Variants in ERICH5 observed in about 807,000 individuals in gnomAD.
ERICH5 encodes the protein glutamate-rich protein 5.
In ERICH5, 24 loss-of-function variants were observed where a neutral mutation model predicts 28.0. The ratio of observed to expected loss-of-function variants is 0.86; its 90% CI spans 0.62 to 1.21. The LOEUF is 1.21. Ranked by LOEUF, ERICH5 falls within the 50% of genes most tolerant of loss-of-function variation. The probability of loss-of-function intolerance (pLI) is 0.00; values close to 1 mark genes in which losing one functional copy is unlikely to be tolerated. For synonymous variants in ERICH5, 163 were observed against 157.6 expected, an observed-to-expected ratio of 1.03 and a Z score of -0.25; for missense variants, 421 against 441.2, an observed-to-expected ratio of 0.95 and a Z score of 0.41.
At position 98,091,888 on chromosome 8, in the gene ERICH5, C is replaced by CT. The variant is rs1215335302; in HGVS notation, c.1013-1330dup. ...TCTTTCTTTCTTTCTTTCTTTCTTTCTTTCTTTCTTTCCTTTCTTTCTTTC... is the reference window on the plus strand; with the variant it reads ...TCTTTCTTTCTTTCTTTCTTTCTTTCTTTTCTTTCTTTCCTTTCTTTCTTTC... On this transcript the variant is annotated intron_variant, in intron 2 of 2. Coordinates refer to ENST00000318528, the MANE Select transcript of ERICH5 (RefSeq NM_173549.3). Among the ~76,000 whole-genome samples, 10 of 77,818 alleles carry CT rather than the reference C, an allele frequency of 1.3e-4. 1 individual carries two copies. The highest frequency in any genetic ancestry group is 4.6e-4 in the African/African-American group (8 of 17,230). The allele number at this position is 77,818 out of a possible 152,430, so 51.1% of individuals were successfully genotyped here.
intron 2 of ERICH5, 98 bp from the exon 3 acceptor site, chr8:98,093,123 G>A: frequency 1.3e-6 from 1 of 770,160 alleles, no homozygotes; most frequent in Non-Finnish European, 2.1e-6. Flanking sequence ...GCTTAGACCT[G>A]AAGATCAAGA....
chr8:98,082,647 A>C (rs1475570591), intron 1 of ERICH5, among the ~76,000 whole-genome samples: 1 of 148,036 alleles, frequency 6.8e-6, no homozygotes, highest in Non-Finnish European at 1.5e-5. Context: ...CTCCATCTCA[A>C]AAAAAAAAAA....
At chr8:98,076,736 G>C (rs754029860) in intron 1 of ERICH5, among the ~76,000 whole-genome samples, 2 of 152,124 alleles carry the variant, frequency 1.3e-5, no homozygotes, top group South Asian at 2.1e-4. Context: ...TGACTCCATA[G>C]GTAACCTAAT....
chr8:98,084,856 C>T (rs976808684), intron 1 of ERICH5, among the ~76,000 whole-genome samples: 33 of 152,022 alleles, frequency 2.2e-4, no homozygotes, highest in Non-Finnish European at 3.8e-4. Flanking sequence ...TTTATCTGTA[C>T]ACCATGGGAG....
intron 1 of ERICH5, among the ~76,000 whole-genome samples, chr8:98,070,934 A>G (rs1308784336): frequency 1.3e-5 from 2 of 152,082 alleles, no homozygotes; most frequent in Non-Finnish European, 2.9e-5. Flanking sequence ...GGAAAAGGTT[A>G]GCACTGTAAA....
At chr8:98,080,610 T>C (rs1815162605) in intron 1 of ERICH5, among the ~76,000 whole-genome samples, 1 of 151,598 alleles carries the variant, frequency 6.6e-6, no homozygotes, top group Non-Finnish European at 1.5e-5. Flanking sequence ...TTCTTCTCCT[T>C]CTCCTTCTTC....
chr8:98,089,189 A>G lies in ERICH5; in HGVS notation c.172A>G (p.Ser58Gly). ...TGTTGATGGCAATGTACAAAGGGAAAGCCGTCCTCCCTTACAAAAGCTCAA... is the reference window on the plus strand; with the variant it reads ...TGTTGATGGCAATGTACAAAGGGAAGGCCGTCCTCCCTTACAAAAGCTCAA... ...STVDGNVQRE[S>G]RPPLQKLKVS... is the part of the protein sequence containing the mutation. The change falls in exon 2 of 3, where the codon AGC becomes GGC. Residue 58 changes from serine (S) to glycine (G), a missense_variant. Ser to Gly is a moderately conservative substitution (Grantham distance 56). Coordinates refer to ENST00000318528, the MANE Select transcript of ERICH5 (RefSeq NM_173549.3). 6.2e-7 allele frequency: 1 copy of G among 1,614,210 alleles called. No homozygotes were observed. The highest frequency in any genetic ancestry group is 8.5e-7 in the Non-Finnish European group (1 of 1,180,032).
At chr8:98,065,087 A>G (rs980156317) in intron 1 of ERICH5, among the ~76,000 whole-genome samples, 1 of 152,088 alleles carries the variant, frequency 6.6e-6, no homozygotes, top group African/African-American at 2.4e-5. Flanking sequence ...ATGTCCTATC[A>G]AGGCCTTCTA....
At chr8:98,069,039 A>G (rs11994319) in intron 1 of ERICH5, among the ~76,000 whole-genome samples, 5,041 of 152,306 alleles carry the variant, frequency 0.033, 236 homozygotes, top group African/African-American at 0.11. Flanking sequence ...TAACTAGACA[A>G]AAGTTTTCCT....
rs777500262 is a variant in ERICH5 at position 98,089,996 on chromosome 8, A to G, written c.979A>G (p.Ile327Val). 1.9e-6 allele frequency: 3 copies of G among 1,613,494 alleles called. No homozygotes were observed. Among genetic ancestry groups the G allele is most frequent in the Admixed American group, 3.3e-5 (2 of 59,970 alleles). Residue 327 changes from isoleucine to valine, a missense_variant, in exon 2 of 3, where the codon ATC (isoleucine) becomes GTC (valine). Coordinates refer to ENST00000318528, the MANE Select transcript of ERICH5 (RefSeq NM_173549.3). ...AGCATATGTGGAAATGATCAGGAAC[A>G]TCCATACTAATGAAGAGGACCAACG... is the stretch of plus-strand genomic sequence containing the variant. Reference protein sequence around the residue: ...AGAYVEMIRNIHTNEEDQRIE... With the variant: ...AGAYVEMIRNVHTNEEDQRIE...
rs976384073 is a variant in ERICH5, at chr8:98,065,610, C to T, written c.58+883C>T. 2.0e-5 allele frequency among the ~76,000 whole-genome samples: 3 copies of T among 152,310 alleles called. No homozygotes were observed. The East Asian group carries it at 5.8e-4, about 29-fold the overall frequency. On this transcript the variant is annotated intron_variant, in intron 1 of 2. Coordinates refer to ENST00000318528, the MANE Select transcript of ERICH5 (RefSeq NM_173549.3). ...AGATCGTTTCTGACAGTGATAAGTA[C>T]TGTGAAAAGTATAAACGCAGTTACA... is the stretch of plus-strand genomic sequence containing the variant.
At chr8:98,069,045 T>G (rs1240969651) in intron 1 of ERICH5, among the ~76,000 whole-genome samples, 1 of 152,246 alleles carries the variant, frequency 6.6e-6, no homozygotes, top group Non-Finnish European at 1.5e-5. Context: ...GACAAAAGTT[T>G]TCCTTTTGAA....
intron 1 of ERICH5, among the ~76,000 whole-genome samples, chr8:98,079,326 A>G (rs954988740): frequency 1.3e-5 from 2 of 151,954 alleles, no homozygotes; most frequent in African/African-American, 4.8e-5. Context: ...GCATGCCACC[A>G]TGCCCAGCTA....
chr8:98,079,688 C>T (rs951312503), intron 1 of ERICH5, among the ~76,000 whole-genome samples: 1 of 152,122 alleles, frequency 6.6e-6, no homozygotes, highest in Non-Finnish European at 1.5e-5. Flanking sequence ...TACAAGCATC[C>T]ACCACCAGCC....
chr8:98,067,488 C>T (rs560952614), intron 1 of ERICH5, among the ~76,000 whole-genome samples: 2 of 151,628 alleles, frequency 1.3e-5, no homozygotes, highest in East Asian at 3.9e-4. Flanking sequence ...TATGTTTAAA[C>T]CAGCTTCTGC....
In ERICH5 at chr8:98,089,684, A is replaced by G; in HGVS notation, c.667A>G (p.Lys223Glu). The change falls in exon 2 of 3, where the codon AAA becomes GAA. Residue 223 changes from lysine (K) to glutamate (E), a missense_variant. Lys to Glu is a moderately conservative substitution (Grantham distance 56). Transcript: ENST00000318528. ...GGCCCCGCTTCTAGAAACAATTTCC[A>G]AAGAGAATGAATCTCCAGAAATATT... ...EQAPLLETISKENESPEILEG... is the reference protein window; with the variant it reads ...EQAPLLETISEENESPEILEG... The G allele has an allele frequency of 6.2e-7, 1 of 1,614,192 alleles. No individual in the cohort carries two copies.
At chr8:98,090,832 C>T (rs1470323015) in intron 2 of ERICH5, among the ~76,000 whole-genome samples, 2 of 152,100 alleles carry the variant, frequency 1.3e-5, no homozygotes, top group East Asian at 1.9e-4. Flanking sequence ...GTATGATTTA[C>T]ATTTTGGTAA....
At chr8:98,087,319 T>G (rs890755730) in intron 1 of ERICH5, among the ~76,000 whole-genome samples, 7 of 152,206 alleles carry the variant, frequency 4.6e-5, no homozygotes, top group Non-Finnish European at 2.9e-5. Context: ...AAGCAAATAT[T>G]TCTTTTTTAG....
chr8:98,085,813 C>T (rs1261589065), intron 1 of ERICH5, among the ~76,000 whole-genome samples: 1 of 152,168 alleles, frequency 6.6e-6, no homozygotes, highest in Non-Finnish European at 1.5e-5. Flanking sequence ...ACGTGTTCTC[C>T]TGGGGCTCGC....
Sources: gnomAD v4.1 joint callset for allele counts (sites outside exome capture counted in the v4.1 genomes callset) on GRCh38, gnomAD v4.1.1 for gene constraint, MANE v1.5 for transcripts, NCBI Gene and HGNC (gene_info 2026-07-23, HGNC 2026-07-21) for gene names.